The following ITPR1 variants were observed in gnomAD, a reference collection of about 807,000 sequenced individuals.
The protein encoded by ITPR1 is inositol 1,4,5-trisphosphate-gated calcium channel ITPR1.
A neutral mutation model predicts 318.4 loss-of-function variants in ITPR1; 96 were observed. The observed-to-expected ratio is 0.30, with a 90% confidence interval of 0.26 to 0.36. The LOEUF is 0.36. Among genes scored for constraint, ITPR1 ranks in the 10% least tolerant of loss-of-function variants. The pLI, the probability that ITPR1 is intolerant of heterozygous loss-of-function variation, is 1.00. For synonymous variants in ITPR1, 1,312 were observed against 1,289.9 expected (o/e 1.02, Z -0.37); for missense variants, 2,440 against 3,460.2 (o/e 0.71, Z 7.40).
rs1251900538 is a variant in ITPR1 at position 4,567,615 on chromosome 3, T to C, written c.163+46521T>C. On this transcript the variant is annotated intron_variant, in intron 4 of 61. Transcript: ENST00000649015. The stretch of plus-strand genomic sequence containing the variant: ...GACGCTTGAGCTAGTTTTTTTTGGT[T>C]TCTTTTTTGAGACGGGGTCTTACTC... Among the ~76,000 whole-genome samples, 9 of 145,112 alleles carry C rather than the reference T, an allele frequency of 6.2e-5. No homozygotes were observed. In the Admixed American group the frequency reaches 6.3e-4, roughly 10 times the overall value.
At position 4,826,322 on chromosome 3, in the gene ITPR1, C is replaced by T. The variant is rs374790404; in HGVS notation, c.8028+8080C>T. ...CCTTGTGGCCTAACCTGGGAGGCCA[C>T]GAGCATTGGTTAAAATGTCACCTGG... On this transcript the variant is annotated intron_variant, in intron 60 of 61. Transcript: ENST00000649015. The surrounding 1 kb of genome is among the most constrained non-coding windows in gnomAD (Gnocchi z 4.2). Among the ~76,000 whole-genome samples the T allele has an allele frequency of 9.1e-4, 138 of 152,328 alleles. 1 individual carries two copies. Among genetic ancestry groups the T allele is most frequent in the African/African-American group, 3.2e-3 (133 of 41,568 alleles).
chr3:4,792,189 A>T (rs1304910913), intron 52 of ITPR1, among the ~76,000 whole-genome samples: 1 of 152,116 alleles, frequency 6.6e-6, no homozygotes, highest in African/African-American at 2.4e-5. Context: ...TTGTGACCAC[A>T]TTGGACCTAC....
intron 44 of ITPR1, among the ~76,000 whole-genome samples, chr3:4,760,060 T>G (rs2045327734): frequency 6.6e-6 from 1 of 152,250 alleles, no homozygotes; most frequent in African/African-American, 2.4e-5. Flanking sequence ...AGCCTTTGAC[T>G]CCGGCCTCAC....
rs139021152 is a variant in ITPR1, at chr3:4,795,072, C to T, written c.6816C>T (p.Pro2272=). The T allele has an allele frequency of 6.2e-6, 10 of 1,609,742 alleles. No individual in the cohort carries two copies. The highest frequency in any genetic ancestry group is 4.5e-5 in the East Asian group (2 of 44,760). ...TTGCCTTTGTCTCTGCAGCCCAGCC[C>T]GTGTTGTACTGGTGTGCCCGCAACA... ...MNWQKKLRAQ[P]VLYWCARNMS... is the part of the protein sequence containing the mutation. The change falls in exon 53 of 62, where the codon CCC becomes CCT. Residue 2272 remains proline (P), a synonymous_variant. Transcript: ENST00000649015.
At chr3:4,603,982 C>CATCAATTCCTCTTCTCTGCAACCTCTG (rs2091503413) in intron 4 of ITPR1, among the ~76,000 whole-genome samples, 1 of 152,018 alleles carries the variant, frequency 6.6e-6, no homozygotes, top group Non-Finnish European at 1.5e-5. Context: ...TGCAACCTCT[C>CATCAATTCCTCTTCTCTGCAACCTCTG]TAACATCTGT....
chr3:4,599,959 T>C (rs538813104), intron 4 of ITPR1, among the ~76,000 whole-genome samples: 18 of 152,298 alleles, frequency 1.2e-4, no homozygotes, highest in African/African-American at 4.3e-4. Context: ...CTCCTGCCCA[T>C]TGGTTGTCCC....
At chr3:4,781,863 G>A (rs1218124266) in intron 49 of ITPR1, among the ~76,000 whole-genome samples, 2 of 152,154 alleles carry the variant, frequency 1.3e-5, no homozygotes, top group Non-Finnish European at 2.9e-5. Flanking sequence ...GACACCTGTA[G>A]TTCCAGCTAC....
At chr3:4,808,272 G>A (rs978736089) in intron 55 of ITPR1, among the ~76,000 whole-genome samples, 1 of 152,226 alleles carries the variant, frequency 6.6e-6, no homozygotes, top group Non-Finnish European at 1.5e-5. Flanking sequence ...CTGAGGCTTG[G>A]TGAGGTTAGG....
intron 36 of ITPR1, among the ~76,000 whole-genome samples, chr3:4,703,353 A>T (rs1327757903): frequency 3.3e-5 from 5 of 152,136 alleles, no homozygotes; most frequent in African/African-American, 1.2e-4. Flanking sequence ...CCTAAGGAAC[A>T]CCCTTTCTCA....
chr3:4,784,338 C>A (rs1331382425), intron 51 of ITPR1, among the ~76,000 whole-genome samples: 1 of 152,056 alleles, frequency 6.6e-6, no homozygotes, highest in Non-Finnish European at 1.5e-5. Context: ...CAAGCGAAAG[C>A]CCAGACGTGG....
intron 4 of ITPR1, among the ~76,000 whole-genome samples, chr3:4,600,688 A>G (rs1000189108): frequency 5.3e-5 from 8 of 152,098 alleles, no homozygotes; most frequent in Admixed American, 5.2e-4. Context: ...GAAGGGTGGC[A>G]TTTTGGGAAT....
At chr3:4,783,647 G>A (rs935347369) in intron 50 of ITPR1, among the ~76,000 whole-genome samples, 169 bp from the exon 51 acceptor site, 18 of 152,378 alleles carry the variant, frequency 1.2e-4, no homozygotes, top group African/African-American at 2.9e-4. Flanking sequence ...CCAAAATAGC[G>A]CCTGTGCACA....
At chr3:4,602,100 T>C (rs1459953501) in intron 4 of ITPR1, among the ~76,000 whole-genome samples, 1 of 152,148 alleles carries the variant, frequency 6.6e-6, no homozygotes, top group Non-Finnish European at 1.5e-5. Flanking sequence ...GGATTGAAAA[T>C]GACACAACCA....
chr3:4,697,184 A>T lies in ITPR1; in HGVS notation c.4319A>T (p.Tyr1440Phe). Reference protein sequence around the residue: ...IAYINFLNHCYVDTEVEMKEI... With the variant: ...IAYINFLNHCFVDTEVEMKEI... ...TACATTAACTTCCTGAATCACTGCT[A>T]TGTGGATACAGAGGTGGAAATGAAG... Residue 1440 changes from tyrosine (Y) to phenylalanine (F), a missense_variant, in exon 34 of 62, where the codon TAT becomes TTT. By Grantham distance (22) the Tyr-to-Phe change is conservative. Around this residue, in one of 23 missense-constraint regions of ITPR1, gnomAD observed 222 missense variants for 318.8 expected, o/e 0.70. Transcript: ENST00000649015. 4 of 1,608,060 alleles carry T rather than the reference A, an allele frequency of 2.5e-6. No homozygotes were observed. The highest frequency in any genetic ancestry group is 3.4e-6 in the Non-Finnish European group (4 of 1,176,578).
At chr3:4,732,530 T>G (rs1225524137) in intron 42 of ITPR1, among the ~76,000 whole-genome samples, 1 of 152,202 alleles carries the variant, frequency 6.6e-6, no homozygotes, top group African/African-American at 2.4e-5. Flanking sequence ...GCCACTAATT[T>G]ATTTCCTATA....
At position 4,782,643 on chromosome 3, in the gene ITPR1, A is replaced by G; in HGVS notation, c.6412A>G (p.Met2138Val). 1 of 1,607,088 alleles carries G rather than the reference A, an allele frequency of 6.2e-7. No individual in the cohort carries two copies. The highest frequency in any genetic ancestry group is 1.1e-5 in the South Asian group (1 of 89,786). Residue 2138 changes from methionine to valine, a missense_variant, in exon 50 of 62, where the codon ATG becomes GTG. Met to Val is a conservative substitution (Grantham distance 21, BLOSUM62 1). Transcript: ENST00000649015. ...GGTGGAAGTGATCAAGAAAGCCTAC[A>G]TGCAAGGTGAAGTGGAATTTGAGGA... ...ELVEVIKKAY[M>V]QGEVEFEDGE...
intron 21 of ITPR1, among the ~76,000 whole-genome samples, chr3:4,673,773 G>A (rs1403316811): frequency 2.0e-5 from 3 of 152,084 alleles, no homozygotes; most frequent in Non-Finnish European, 4.4e-5. Context: ...TAGTAGGGAC[G>A]GGGTTTCACC....
At chr3:4,662,361 G>A (rs2093852887) in intron 15 of ITPR1, 119 bp downstream of exon 15, 2 of 790,548 alleles carry the variant, frequency 2.5e-6, no homozygotes, top group Non-Finnish European at 1.8e-6. Context: ...GCAGGCCTTA[G>A]CATTTATGGG....
Position 4,807,235 on chromosome 3 carries a change from C to A in ITPR1, c.7272+968C>A, listed in dbSNP as rs189511367. ...TCTTCAGGGAGATGCTTAGAAAACC[C>A]CCCCGAAGCGCGTATGAGAGGCATC... On this transcript the variant is annotated intron_variant, in intron 55 of 61. Transcript: ENST00000649015. 1.5e-3 allele frequency among the ~76,000 whole-genome samples: 224 copies of A among 152,078 alleles called. 2 individuals are homozygous for A. The highest frequency in any genetic ancestry group is 4.5e-3 in the African/African-American group (188 of 41,454).
Sources: allele counts gnomAD v4.1 joint callset (sites outside exome capture counted in the v4.1 genomes callset), GRCh38; gene constraint gnomAD v4.1.1; regional missense constraint gnomAD v4.1.1; non-coding constraint Gnocchi (gnomAD v3.1); transcripts MANE v1.5; gene names NCBI Gene and HGNC (gene_info 2026-07-23, HGNC 2026-07-21).